GDF5: variants seen among roughly 807,000 people sequenced by gnomAD.
GDF5 encodes growth/differentiation factor 5.
GDF5 carries 17 observed loss-of-function variants against 34.6 expected under a neutral mutation model. That is an observed-to-expected ratio of 0.49 (90% CI 0.34 to 0.74). The LOEUF (loss-of-function observed/expected upper bound fraction) is 0.74. GDF5 is among the 30% of genes least tolerant of loss of function. The pLI is 0.01. For missense variants in GDF5, 616 were observed against 661.2 expected (o/e 0.93, Z 0.75); for synonymous variants, 332 against 290.7 (o/e 1.14, Z -1.44).
Position 35,433,990 on chromosome 20 carries a change from G to A in GDF5, c.1425C>T (p.Ser475=). The A allele has an allele frequency of 6.2e-7, 1 of 1,613,828 alleles. No homozygotes were observed. The highest frequency in any genetic ancestry group is 2.2e-5 in the East Asian group (1 of 44,878). The change falls in exon 2 of 2, where the codon AGC becomes AGT. Residue 475 remains serine (S), a synonymous_variant. Coordinates refer to ENST00000374369, the MANE Select transcript of GDF5 (RefSeq NM_000557.5). The part of the protein sequence containing the change: ...CCVPTRLSPI[S]ILFIDSANNV... ...TGTTGGCAGAGTCAATGAAGAGGAT[G>A]CTGATGGGACTCAGCCGCGTGGGCA...
chr20:35,450,745 C>T (rs6058249), intron 1 of GDF5, among the ~76,000 whole-genome samples: 1 of 151,880 alleles, frequency 6.6e-6, no homozygotes, highest in Middle Eastern at 3.2e-3. Flanking sequence ...TGAACAGGAC[C>T]TAATAGTCAG....
upstream of GDF5, among the ~76,000 whole-genome samples, chr20:35,441,749 G>A (rs140439344): frequency 4.2e-3 from 646 of 152,002 alleles, 5 homozygotes; most frequent in African/African-American, 0.015. Context: ...CACCATACCC[G>A]GCCAATAATA....
In GDF5 at chr20:35,437,865, T is replaced by G; in HGVS notation, c.64A>C (p.Ile22Leu). Residue 22 changes from isoleucine to leucine, a missense_variant, in exon 1 of 2, where the codon ATC (isoleucine) becomes CTC (leucine). By Grantham distance (5) the Ile-to-Leu change is conservative. Transcript: ENST00000374369. ...TCAGGGGCACCCAACACAGTGCAGA[T>G]GAATTCCAGGTCCAGCCAAGCCAGG... ...WYLAWLDLEFICTVLGAPDLG... is the reference protein window; with the variant it reads ...WYLAWLDLEFLCTVLGAPDLG... The G allele has an allele frequency of 6.2e-7, 1 of 1,614,094 alleles. No individual in the cohort carries two copies. The highest frequency in any genetic ancestry group is 1.3e-5 in the African/African-American group (1 of 75,038).
chr20:35,451,042 GAAA>G (rs1157980088), intron 1 of GDF5, among the ~76,000 whole-genome samples: 38 of 16,490 alleles, frequency 2.3e-3, no homozygotes, highest in Non-Finnish European at 5.5e-3. Context: ...TAGACTAACA[GAAA>G]AAAAAAAAAA....
chr20:35,448,173 G>T (rs1022039726), intron 1 of GDF5, among the ~76,000 whole-genome samples: 1 of 151,848 alleles, frequency 6.6e-6, no homozygotes, highest in Non-Finnish European at 1.5e-5. Context: ...CTTGAGCTCA[G>T]AAATCTCAGA....
intron 1 of GDF5, among the ~76,000 whole-genome samples, chr20:35,450,110 C>T (rs2062525981): frequency 6.6e-6 from 1 of 151,374 alleles, no homozygotes; most frequent in Non-Finnish European, 1.5e-5. Context: ...CAAGACCAGC[C>T]TCGCTAACAT....
chr20:35,438,700 G>A (rs2062486231), upstream of GDF5, among the ~76,000 whole-genome samples: 1 of 152,128 alleles, frequency 6.6e-6, no homozygotes, highest in African/African-American at 2.4e-5. Context: ...GAGAGATGCT[G>A]AAGAATGAGC....
At position 35,434,600 on chromosome 20, in the gene GDF5, C is replaced by T. The variant is rs1252889374; in HGVS notation, c.815G>A (p.Arg272Gln). The T allele has an allele frequency of 9.4e-6, 15 of 1,589,976 alleles. No homozygotes were observed. Among genetic ancestry groups the T allele is most frequent in the Non-Finnish European group, 1.3e-5 (15 of 1,166,408 alleles). ...QLKLSSCPSG[R>Q]QPAALLDVRS... is the part of the protein sequence containing the mutation. ...CACATCCAGCAAGGCGGCCGGCTGC[C>T]GGCCGCTGGGGCAGCTGGACAGCTT... The change falls in exon 2 of 2, where the codon CGG (arginine) becomes CAG (glutamine). Residue 272 changes from arginine (R) to glutamine (Q), a missense_variant. By Grantham distance (43) the Arg-to-Gln change is conservative (BLOSUM62 1). Coordinates refer to ENST00000374369, the MANE Select transcript of GDF5 (RefSeq NM_000557.5).
rs895865861 is a variant in GDF5 at position 35,434,568 on chromosome 20, C to T, written c.847G>A (p.Val283Met). ...QPAALLDVRS[V>M]PGLDGSGWEV... ...CAGCCAGATCCGTCCAGGCCTGGCA[C>T]GGAGCGCACATCCAGCAAGGCGGCC... is the stretch of plus-strand genomic sequence containing the variant. Residue 283 changes from valine to methionine, a missense_variant, in exon 2 of 2, where the codon GTG (valine) becomes ATG (methionine). By Grantham distance (21) the Val-to-Met change is conservative. Transcript: ENST00000374369. The T allele has an allele frequency of 1.3e-6, 2 of 1,588,582 alleles. No homozygotes were observed. The highest frequency in any genetic ancestry group is 1.4e-5 in the African/African-American group (1 of 73,950).
At chr20:35,436,395 C>G (rs961094164) in intron 1 of GDF5, among the ~76,000 whole-genome samples, 3 of 151,940 alleles carry the variant, frequency 2.0e-5, no homozygotes, top group African/African-American at 7.3e-5. Flanking sequence ...ACCCCTCCCC[C>G]ACCCTGCCAG....
At chr20:35,451,082 T>TATATATATATATATATATAA (rs2062531665) in intron 1 of GDF5, among the ~76,000 whole-genome samples, 1 of 120,996 alleles carries the variant, frequency 8.3e-6, no homozygotes, top group Admixed American at 8.2e-5. Context: ...TATATATATA[T>TATATATATATATATATATAA]ATATATATAT....
chr20:35,439,676 G>A (rs570243321), upstream of GDF5, among the ~76,000 whole-genome samples: 37 of 152,168 alleles, frequency 2.4e-4, no homozygotes, highest in African/African-American at 8.9e-4. Context: ...TTAACACAGG[G>A]TCAGCGGGGA....
upstream of GDF5, among the ~76,000 whole-genome samples, chr20:35,442,576 T>A (rs2062501486): frequency 7.2e-6 from 1 of 139,636 alleles, no homozygotes; most frequent in African/African-American, 2.7e-5. Flanking sequence ...TCTTGCTCTG[T>A]CACTTAGGCT....
intron 1 of GDF5, among the ~76,000 whole-genome samples, chr20:35,453,727 G>A (rs1443999055): frequency 7.2e-5 from 11 of 152,122 alleles, no homozygotes; most frequent in Admixed American, 6.5e-4. Flanking sequence ...TCTTACAGGA[G>A]AAAGATAAAA....
At chr20:35,452,566 G>A (rs2062537368) in intron 1 of GDF5, among the ~76,000 whole-genome samples, 1 of 152,160 alleles carries the variant, frequency 6.6e-6, no homozygotes, top group South Asian at 2.1e-4. Context: ...GGGATTACAG[G>A]CATGCGCCAC....
intron 1 of GDF5, among the ~76,000 whole-genome samples, chr20:35,437,031 C>A (rs2062475142): frequency 6.6e-6 from 1 of 152,248 alleles, no homozygotes; most frequent in Admixed American, 6.5e-5. Flanking sequence ...CACGAACTGG[C>A]AGGTCTTGTC....
In GDF5 at chr20:35,443,841, T is replaced by G. The variant is rs1384283741; in HGVS notation, c.-397-2454A>C. Among the ~76,000 whole-genome samples the G allele has an allele frequency of 2.6e-5, 4 of 152,236 alleles. No individual in the cohort carries two copies. In the East Asian group the frequency reaches 7.7e-4, roughly 29 times the overall value. On this transcript the variant is annotated intron_variant, in intron 1 of 3. Transcript: ENST00000374372. ...GATTATTATTATCCCTTTTTTATTG[T>G]GTCTCCAGATGAGTAAACAGTGAAC...
At chr20:35,452,463 C>T (rs574144537) in intron 1 of GDF5, among the ~76,000 whole-genome samples, 1 of 152,336 alleles carries the variant, frequency 6.6e-6, no homozygotes, top group Admixed American at 6.5e-5. Context: ...GCTCTTGTTG[C>T]CCAGGCTAGA....
At chr20:35,454,628 T>A (rs898826089) in intron 1 of GDF5, 1 of 152,144 alleles carries the variant, frequency 6.6e-6, no homozygotes, top group Non-Finnish European at 1.5e-5. Context: ...GAGTGTTGAG[T>A]AAGTAACTCG....
Sources: allele counts gnomAD v4.1 joint callset (sites outside exome capture counted in the v4.1 genomes callset), GRCh38; gene constraint gnomAD v4.1.1; transcripts MANE v1.5; gene names NCBI Gene and HGNC (gene_info 2026-07-23, HGNC 2026-07-21).